The following NFIB variants were observed in gnomAD, a reference collection of about 807,000 sequenced individuals.
The protein encoded by NFIB is nuclear factor I B, also known as nuclear factor 1 B-type.
In NFIB, 11 loss-of-function variants were observed where a neutral mutation model predicts 61.5. The observed-to-expected ratio is 0.18, with a 90% CI of 0.11 to 0.30. The LOEUF (loss-of-function observed/expected upper bound fraction) is 0.30, where lower values mean the gene tolerates loss of function less well. NFIB is among the 10% of genes least tolerant of loss of function. NFIB has a pLI of 1.00. For missense variants in NFIB, 471 were observed against 608.9 expected (o/e 0.77, Z 2.38); for synonymous variants, 260 against 216.5 (o/e 1.20, Z -1.76).
chr9:14,111,608 T>A (rs1425288797), intron 10 of NFIB, among the ~76,000 whole-genome samples: 1 of 152,240 alleles, frequency 6.6e-6, no homozygotes, highest in East Asian at 1.9e-4. Context: ...GACACATACA[T>A]CTGTCAAATA....
intron 1 of NFIB, among the ~76,000 whole-genome samples, chr9:14,360,300 T>G (rs1240086376): frequency 1.3e-5 from 2 of 152,228 alleles, no homozygotes; most frequent in East Asian, 3.8e-4. Context: ...AAATTTGGTA[T>G]AGCCCCCATA....
chr9:14,460,453 C>G, the NFIB span, among the ~76,000 whole-genome samples: 1 of 151,894 alleles, frequency 6.6e-6, no homozygotes, highest in Admixed American at 6.6e-5. Flanking sequence ...ACCAACATGG[C>G]ACATGTATAC....
the NFIB span, among the ~76,000 whole-genome samples, chr9:14,524,421 A>G: frequency 6.6e-6 from 1 of 152,216 alleles, no homozygotes; most frequent in African/African-American, 2.4e-5. Context: ...TGTACTGTTC[A>G]TCATGTGACC....
intron 3 of NFIB, among the ~76,000 whole-genome samples, chr9:14,172,883 C>A (rs1484464714): frequency 6.6e-6 from 1 of 152,224 alleles, no homozygotes; most frequent in East Asian, 1.9e-4. Context: ...GATTCTCCTG[C>A]CTCAGCCTCC....
In NFIB at chr9:14,269,282, C is replaced by T. The variant is rs913001881; in HGVS notation, c.562+37707G>A. Reference sequence around the variant, plus strand: ...AATAAAAAGACAAATTTTTCAAATTCTGCATCATATGTAAAACTAGCTCTT... The same window carrying T: ...AATAAAAAGACAAATTTTTCAAATTTTGCATCATATGTAAAACTAGCTCTT... On this transcript the variant is annotated intron_variant, in intron 2 of 10. Transcript: ENST00000380953. Among the ~76,000 whole-genome samples the T allele has an allele frequency of 2.6e-5, 4 of 152,094 alleles. No individual in the cohort carries two copies. In the East Asian group the frequency reaches 7.7e-4, roughly 29 times the overall value.
At chr9:14,271,627 T>C (rs768622141) in intron 2 of NFIB, among the ~76,000 whole-genome samples, 1 of 152,122 alleles carries the variant, frequency 6.6e-6, no homozygotes, top group Non-Finnish European at 1.5e-5. Context: ...ATGGATCCTA[T>C]CTTTCCAAGT....
intron 2 of NFIB, among the ~76,000 whole-genome samples, chr9:14,180,991 T>C (rs886825670): frequency 6.6e-6 from 1 of 152,230 alleles, no homozygotes. Flanking sequence ...CTTGCCATTA[T>C]ACTTGAGCCA....
chr9:14,438,996 G>A, the NFIB span, among the ~76,000 whole-genome samples: 1 of 152,176 alleles, frequency 6.6e-6, no homozygotes, highest in Non-Finnish European at 1.5e-5. Context: ...AAAGAAAAGT[G>A]TCGGCCGGAA....
rs777825720 is a variant in NFIB at position 14,183,529 on chromosome 9, G to A, written c.563-3749C>T. ...AGCCATTCTTGTGCTTCAGCCTCCCGAGTAGCTAGGACTACAGGCGCACAC... is the reference window on the plus strand; with the variant it reads ...AGCCATTCTTGTGCTTCAGCCTCCCAAGTAGCTAGGACTACAGGCGCACAC... On this transcript the variant is annotated intron_variant, in intron 2 of 10. Transcript: ENST00000380953. Among the ~76,000 whole-genome samples, 8 of 151,472 alleles carry A rather than the reference G, an allele frequency of 5.3e-5. No homozygotes were observed. In the East Asian group the frequency reaches 1.2e-3, roughly 22 times the overall value.
chr9:14,152,056 A>G (rs1421493105), intron 4 of NFIB, among the ~76,000 whole-genome samples: 5 of 152,134 alleles, frequency 3.3e-5, no homozygotes, highest in Non-Finnish European at 7.4e-5. Flanking sequence ...TATTTTTAAG[A>G]AAGTATGATT....
In NFIB at chr9:14,333,721, G is replaced by C. The variant is rs144622665; in HGVS notation, c.109-26201C>G. Among the ~76,000 whole-genome samples, 334 of 152,230 alleles carry C rather than the reference G, an allele frequency of 2.2e-3. 1 individual carries two copies. Among genetic ancestry groups the C allele is most frequent in the African/African-American group, 7.3e-3 (305 of 41,520 alleles). ...ACCATTGAATATTATATAACACCGA[G>C]AAGAACAACCTTCTATATAATGTGT... is the stretch of plus-strand genomic sequence containing the variant. On this transcript the variant is annotated intron_variant, in intron 1 of 8. Coordinates refer to the NFIB transcript ENST00000380934.
At chr9:14,219,555 T>C (rs2051390061) in intron 2 of NFIB, among the ~76,000 whole-genome samples, 1 of 152,182 alleles carries the variant, frequency 6.6e-6, no homozygotes, top group African/African-American at 2.4e-5. Context: ...AAAGAACAGA[T>C]TCAAGCCAGG....
intron 6 of NFIB, among the ~76,000 whole-genome samples, chr9:14,143,830 A>G (rs1188485142): frequency 6.6e-6 from 1 of 152,172 alleles, no homozygotes; most frequent in Admixed American, 6.6e-5. Flanking sequence ...AAATTTTTAA[A>G]AAGCAATTTT....
intron 7 of NFIB, 147 bp downstream of exon 7, chr9:14,125,485 A>C: frequency 8.5e-7 from 1 of 1,171,342 alleles, no homozygotes. Context: ...GAGAAGAAAA[A>C]ATACTTGATC....
chr9:14,403,278 T>C (rs2061759792), upstream of NFIB, among the ~76,000 whole-genome samples: 1 of 152,164 alleles, frequency 6.6e-6, no homozygotes, highest in Non-Finnish European at 1.5e-5. Flanking sequence ...TACAGCCTTG[T>C]CTCTTTAAGA....
At chr9:14,246,555 C>G (rs1263837047) in intron 2 of NFIB, among the ~76,000 whole-genome samples, 1 of 152,216 alleles carries the variant, frequency 6.6e-6, no homozygotes, top group East Asian at 1.9e-4. Context: ...ACATCTCATA[C>G]ATGGATTTGT....
rs577513192 is a variant in NFIB at position 14,239,121 on chromosome 9, A to G, written c.563-59341T>C. ...TAGGGATTCTAAGAAACTAAAATTA[A>G]GAAATTTGTCCTAAAGAACAAATTG... On this transcript the variant is annotated intron_variant, in intron 2 of 10. Coordinates refer to ENST00000380953, the MANE Select transcript of NFIB (RefSeq NM_001190737.2). 2.0e-5 allele frequency among the ~76,000 whole-genome samples: 3 copies of G among 152,364 alleles called. No homozygotes were observed. The South Asian group carries it at 6.2e-4, about 32-fold the overall frequency.
intron 2 of NFIB, among the ~76,000 whole-genome samples, chr9:14,241,644 T>A (rs1206007177): frequency 2.0e-5 from 3 of 152,166 alleles, no homozygotes; most frequent in Non-Finnish European, 4.4e-5. Flanking sequence ...CTCTGAAATG[T>A]AGATACATAA....
chr9:14,344,463 T>C (rs1249152778), intron 1 of NFIB, among the ~76,000 whole-genome samples: 1 of 152,140 alleles, frequency 6.6e-6, no homozygotes, highest in Admixed American at 6.5e-5. Context: ...CCTCTTTGTC[T>C]CTTTTGTTCC....
Sources: allele counts gnomAD v4.1 joint callset (sites outside exome capture counted in the v4.1 genomes callset), GRCh38; gene constraint gnomAD v4.1.1; transcripts MANE v1.5; gene names NCBI Gene and HGNC (gene_info 2026-07-23, HGNC 2026-07-21).